CNTNAP2: variants seen among roughly 807,000 people sequenced by gnomAD.
The protein encoded by CNTNAP2 is contactin associated protein 2.
In CNTNAP2, 98 loss-of-function variants were observed where a neutral mutation model predicts 155.2. The ratio of observed to expected loss-of-function variants is 0.63; its 90% CI spans 0.54 to 0.75. CNTNAP2 has a LOEUF of 0.75. Among genes scored for constraint, CNTNAP2 ranks in the 30% least tolerant of loss-of-function variants. CNTNAP2 has a pLI of 0.00. For synonymous variants in CNTNAP2, 651 were observed against 631.2 expected, an observed-to-expected ratio of 1.03 and a Z score of -0.47; for missense variants, 1,727 against 1,688.1, an observed-to-expected ratio of 1.02 and a Z score of -0.40.
Position 146,858,158 on chromosome 7 carries a change from T to G in CNTNAP2, c.402+18254T>G, listed in dbSNP as rs147028528. On this transcript the variant is annotated intron_variant, in intron 3 of 23. Transcript: ENST00000361727. ...ATCTGCTAAGATCTACGGTGGCAAC[T>G]CAAGTCTGAGGAGGACATGAAGGTT... 3.4e-3 allele frequency among the ~76,000 whole-genome samples: 521 copies of G among 152,322 alleles called. 1 individual carries two copies. Among genetic ancestry groups the G allele is most frequent in the African/African-American group, 0.012 (488 of 41,570 alleles).
chr7:146,610,209 A>C (rs1335154269), intron 1 of CNTNAP2, among the ~76,000 whole-genome samples: 2 of 152,210 alleles, frequency 1.3e-5, no homozygotes, highest in African/African-American at 4.8e-5. Flanking sequence ...GGATTTGCCT[A>C]GCCAGTCACA....
At chr7:146,176,431 G>A (rs940247753) in intron 1 of CNTNAP2, among the ~76,000 whole-genome samples, 3 of 152,150 alleles carry the variant, frequency 2.0e-5, no homozygotes, top group African/African-American at 7.2e-5. Context: ...AGAGTACTAG[G>A]GGAAGTGATT....
intron 13 of CNTNAP2, among the ~76,000 whole-genome samples, chr7:147,796,277 C>T (rs1797892236): frequency 6.6e-6 from 1 of 152,106 alleles, no homozygotes; most frequent in Admixed American, 6.5e-5. Context: ...GGCTTATGTA[C>T]TATAACAAAA....
chr7:148,229,548 G>A, intron 19 of CNTNAP2, 98 bp from the exon 20 acceptor site: 4 of 1,451,832 alleles, frequency 2.8e-6, no homozygotes, highest in South Asian at 2.4e-5. Flanking sequence ...GAAAAGAAAG[G>A]AAGAAAGAAA....
At chr7:147,142,814 T>C (rs79257316) in intron 8 of CNTNAP2, among the ~76,000 whole-genome samples, 245 of 152,314 alleles carry the variant, frequency 1.6e-3, no homozygotes, top group Middle Eastern at 3.4e-3. Flanking sequence ...GCACAAACTA[T>C]GCTCCACTGG....
intron 14 of CNTNAP2, among the ~76,000 whole-genome samples, chr7:147,967,690 C>A (rs549597204): frequency 9.2e-5 from 14 of 152,214 alleles, no homozygotes; most frequent in African/African-American, 3.1e-4. Flanking sequence ...TGTAGGACTA[C>A]AAAGTCTTGT....
chr7:146,808,876 T>C (rs1803014903), intron 2 of CNTNAP2, among the ~76,000 whole-genome samples: 1 of 152,200 alleles, frequency 6.6e-6, no homozygotes, highest in Admixed American at 6.6e-5. Context: ...AATGACAGAA[T>C]TTCCTTCTTT....
chr7:147,165,157 A>T (rs1275682556), intron 8 of CNTNAP2, among the ~76,000 whole-genome samples: 1 of 137,374 alleles, frequency 7.3e-6, no homozygotes, highest in Admixed American at 7.6e-5. Context: ...TAAAATCCAA[A>T]GTATTTTTTG....
At chr7:146,455,178 T>G (rs1796538793) in intron 1 of CNTNAP2, among the ~76,000 whole-genome samples, 1 of 152,320 alleles carries the variant, frequency 6.6e-6, no homozygotes, top group South Asian at 2.1e-4. Flanking sequence ...CATGCAACAT[T>G]GCCCTAGATG....
intron 13 of CNTNAP2, among the ~76,000 whole-genome samples, chr7:147,658,321 A>T (rs1795558791): frequency 6.6e-6 from 1 of 152,034 alleles, no homozygotes; most frequent in Non-Finnish European, 1.5e-5. Context: ...CCTAAGTCAG[A>T]TTCTTTGGGC....
chr7:146,116,841 C>T lies in CNTNAP2; in HGVS notation c.-36C>T, dbSNP rs762828266. On this transcript the variant is annotated 5_prime_UTR_variant, in exon 1 of 24. Transcript: ENST00000361727. This position sits in a 1 kb window ranked among gnomAD's most constrained non-coding sequence, Gnocchi z 5.5. ...GGAGAGTCGGACTGCATCTCCGCAG[C>T]GAGCTCTTGGAGCGCCGCCGGCCGG... The T allele has an allele frequency of 1.3e-6, 2 of 1,510,074 alleles. No homozygotes were observed. The highest frequency in any genetic ancestry group is 1.8e-6 in the Non-Finnish European group (2 of 1,117,380). 93.5% of individuals were successfully genotyped at this position (1,510,074 alleles called of 1,614,324 possible). A position where few individuals can be genotyped will look rare whatever the true frequency, so the allele number is the denominator to read the frequency against.
intron 15 of CNTNAP2, among the ~76,000 whole-genome samples, chr7:148,053,878 C>G (rs1312767613): frequency 6.6e-6 from 1 of 151,734 alleles, no homozygotes; most frequent in Non-Finnish European, 1.5e-5. Flanking sequence ...CTTCTTGCTA[C>G]TCTGTGATGT....
intron 3 of CNTNAP2, among the ~76,000 whole-genome samples, chr7:147,034,315 G>T (rs1799103781): frequency 6.6e-6 from 1 of 152,184 alleles, no homozygotes; most frequent in Non-Finnish European, 1.5e-5. Context: ...TGAAACAGGA[G>T]TTTTCCCTTT....
chr7:146,745,765 A>G (rs749109828), intron 1 of CNTNAP2, among the ~76,000 whole-genome samples: 16 of 109,318 alleles, frequency 1.5e-4, no homozygotes, highest in Non-Finnish European at 2.3e-4. Context: ...ACTCCATCTG[A>G]AAAAAAAAAA....
chr7:147,698,423 A>G (rs1199965380), intron 13 of CNTNAP2, among the ~76,000 whole-genome samples: 2 of 152,190 alleles, frequency 1.3e-5, no homozygotes, highest in Non-Finnish European at 2.9e-5. Context: ...TTAAACATCT[A>G]TTATTGATAG....
chr7:147,278,870 T>G (rs959321649), intron 8 of CNTNAP2, among the ~76,000 whole-genome samples: 4 of 151,396 alleles, frequency 2.6e-5, no homozygotes, highest in Non-Finnish European at 5.9e-5. Flanking sequence ...ACATTTATAA[T>G]TCTGCATCTG....
rs1432770573 is a variant in CNTNAP2, at chr7:148,266,706, A to G, written c.3382-327A>G. Among the ~76,000 whole-genome samples, 4 of 152,166 alleles carry G rather than the reference A, an allele frequency of 2.6e-5. 1 individual carries two copies. Among genetic ancestry groups the G allele is most frequent in the Non-Finnish European group, 5.9e-5 (4 of 68,036 alleles). On this transcript the variant is annotated intron_variant, in intron 20 of 23. Transcript: ENST00000361727. ...GGCATATTCCCTATCAGAGGCTGAC[A>G]CTGGAGATTGGATCAAGCAGATGTT...
intron 13 of CNTNAP2, among the ~76,000 whole-genome samples, chr7:147,775,355 ATATT>A (rs1368485611): frequency 7.4e-5 from 3 of 40,750 alleles, no homozygotes; most frequent in Non-Finnish European, 1.2e-4. Context: ...ATATTTATAT[ATATT>A]TATAAATATA....
At chr7:148,055,290 T>C (rs1239514084) in intron 15 of CNTNAP2, among the ~76,000 whole-genome samples, 1 of 152,248 alleles carries the variant, frequency 6.6e-6, no homozygotes, top group Non-Finnish European at 1.5e-5. Flanking sequence ...GTCCTCCTGA[T>C]GGTAACTGAT....
Sources: allele counts gnomAD v4.1 joint callset (sites outside exome capture counted in the v4.1 genomes callset), GRCh38; gene constraint gnomAD v4.1.1; non-coding constraint Gnocchi (gnomAD v3.1); transcripts MANE v1.5; gene names NCBI Gene and HGNC (gene_info 2026-07-23, HGNC 2026-07-21).